The following MYO3B variants were observed in gnomAD, a reference collection of about 807,000 sequenced individuals.
The protein encoded by MYO3B is myosin IIIB.
In MYO3B, 156 loss-of-function variants were observed where a neutral mutation model predicts 174.6. The ratio of observed to expected loss-of-function variants is 0.89; its 90% confidence interval spans 0.78 to 1.02. The LOEUF is 1.02. MYO3B is among the 50% of genes least tolerant of loss of function. The probability of loss-of-function intolerance (pLI) is 0.00; values close to 1 mark genes in which losing one functional copy is unlikely to be tolerated. For missense variants in MYO3B, 1,632 were observed against 1,639.4 expected (o/e 1.00, Z 0.08); for synonymous variants, 563 against 569.1 (o/e 0.99, Z 0.15).
intron 3 of MYO3B, among the ~76,000 whole-genome samples, chr2:170,214,010 A>G (rs2092801399): frequency 6.6e-6 from 1 of 152,250 alleles, no homozygotes; most frequent in Non-Finnish European, 1.5e-5. Flanking sequence ...ATATTCATAT[A>G]AAGTGAAAAA....
At chr2:170,315,204 G>A (rs180687796) in intron 7 of MYO3B, among the ~76,000 whole-genome samples, 23 of 152,310 alleles carry the variant, frequency 1.5e-4, no homozygotes, top group African/African-American at 5.1e-4. Context: ...ATTCCTGAGA[G>A]TCTGCATTAT....
At chr2:170,595,149 T>C (rs1694065160) in intron 32 of MYO3B, among the ~76,000 whole-genome samples, 1 of 152,108 alleles carries the variant, frequency 6.6e-6, no homozygotes, top group Non-Finnish European at 1.5e-5. Context: ...TTCTGTAAAA[T>C]AGGAACGGTA....
intron 3 of MYO3B, among the ~76,000 whole-genome samples, chr2:170,202,341 T>C (rs749929826): frequency 2.0e-5 from 3 of 152,190 alleles, no homozygotes; most frequent in African/African-American, 4.8e-5. Context: ...AGATACTGGG[T>C]GTCCTCAGTC....
intron 32 of MYO3B, among the ~76,000 whole-genome samples, chr2:170,626,519 T>C (rs923436129): frequency 1.3e-5 from 2 of 152,242 alleles, no homozygotes; most frequent in African/African-American, 4.8e-5. Flanking sequence ...TGCCAGTCTG[T>C]GTCAATTGGA....
chr2:170,447,426 A>T (rs1313555614), intron 23 of MYO3B, among the ~76,000 whole-genome samples: 1 of 152,200 alleles, frequency 6.6e-6, no homozygotes, highest in Non-Finnish European at 1.5e-5. Context: ...CTGAGGCTTC[A>T]GCATGCAAAT....
intron 30 of MYO3B, among the ~76,000 whole-genome samples, chr2:170,527,322 T>A (rs180838406): frequency 6.6e-6 from 1 of 152,210 alleles, no homozygotes; most frequent in Non-Finnish European, 1.5e-5. Context: ...ACAAAATGTT[T>A]TGTTGTTCTA....
intron 25 of MYO3B, among the ~76,000 whole-genome samples, chr2:170,471,947 C>T (rs552049511): frequency 5.3e-5 from 8 of 150,904 alleles, no homozygotes; most frequent in East Asian, 3.9e-4. Context: ...GCCGAGATCG[C>T]GCCATTGCAC....
rs559768433 is a variant in MYO3B at position 170,454,064 on chromosome 2, G to A, written c.2731-9304G>A. The stretch of plus-strand genomic sequence containing the variant: ...CAGTTTCTTCAGAGATCCATTCCAC[G>A]CATACAAACACACACACAACAAAGA... On this transcript the variant is annotated intron_variant, in intron 23 of 34. Coordinates refer to ENST00000408978, the MANE Select transcript of MYO3B (RefSeq NM_138995.5). 2.0e-5 allele frequency among the ~76,000 whole-genome samples: 3 copies of A among 152,224 alleles called. No homozygotes were observed. In the East Asian group the frequency reaches 5.8e-4, roughly 29 times the overall value.
chr2:170,584,190 C>T (rs1382471190), intron 32 of MYO3B, among the ~76,000 whole-genome samples: 2 of 152,150 alleles, frequency 1.3e-5, no homozygotes, highest in Non-Finnish European at 2.9e-5. Flanking sequence ...GATTGTGGTC[C>T]CCCTATGGGG....
intron 32 of MYO3B, chr2:170,602,336 G>C: frequency 1.5e-6 from 1 of 660,768 alleles, no homozygotes; most frequent in South Asian, 1.8e-5. Context: ...GTGGCTGTGA[G>C]AGTGGGAGCC....
At chr2:170,198,818 AC>A (rs1337851512) in intron 1 of MYO3B, among the ~76,000 whole-genome samples, 1 of 147,762 alleles carries the variant, frequency 6.8e-6, no homozygotes, top group African/African-American at 2.5e-5. Context: ...GGTTACCATA[AC>A]CTAGGGACAA....
chr2:170,449,478 CA>C lies in MYO3B; in HGVS notation c.2730+5441del, dbSNP rs201733588. Among the ~76,000 whole-genome samples, 5 of 151,020 alleles carry C rather than the reference CA, an allele frequency of 3.3e-5. No homozygotes were observed. The South Asian group carries it at 6.3e-4, about 19-fold the overall frequency. ...CAATTGCTAAATGTTCTAAATAACTCAAAAAAAAAGTTTTCTTGGCTGAACA... is the reference window on the plus strand; with the variant it reads ...CAATTGCTAAATGTTCTAAATAACTCAAAAAAAAGTTTTCTTGGCTGAACA... On this transcript the variant is annotated intron_variant, in intron 23 of 34. Transcript: ENST00000408978.
chr2:170,245,569 C>T (rs192906565), intron 7 of MYO3B, among the ~76,000 whole-genome samples: 10 of 152,322 alleles, frequency 6.6e-5, no homozygotes, highest in Non-Finnish European at 1.0e-4. Context: ...GCCTGGGTTC[C>T]GGTTCTGCTC....
At chr2:170,400,659 C>T (rs1406836290) in intron 17 of MYO3B, among the ~76,000 whole-genome samples, 5 of 123,898 alleles carry the variant, frequency 4.0e-5, no homozygotes, top group Non-Finnish European at 9.4e-5. Flanking sequence ...CCCCCCCCCT[C>T]GGCCTCCCAA....
Position 170,449,777 on chromosome 2 carries a change from C to CAAA in MYO3B, c.2730+5741_2730+5743dup, listed in dbSNP as rs201702095. Among the ~76,000 whole-genome samples, 3 of 131,586 alleles carry CAAA rather than the reference C, an allele frequency of 2.3e-5. No individual in the cohort carries two copies. In the South Asian group the frequency reaches 7.1e-4, roughly 31 times the overall value. The allele number at this position is 131,586 out of a possible 152,430, so 86.3% of individuals were successfully genotyped here. Reference sequence around the variant, plus strand: ...GGGTGACAAGAGCAGAACTCTGTCTCAAAAAAAAAAAAGAAAAGAAAAAGA... The same window carrying CAAA: ...GGGTGACAAGAGCAGAACTCTGTCTCAAAAAAAAAAAAAAAGAAAAGAAAAAGA... On this transcript the variant is annotated intron_variant, in intron 23 of 34. Transcript: ENST00000408978.
At chr2:170,259,526 C>T (rs1291025041) in intron 7 of MYO3B, among the ~76,000 whole-genome samples, 1 of 152,178 alleles carries the variant, frequency 6.6e-6, no homozygotes, top group African/African-American at 2.4e-5. Flanking sequence ...TGAAGCTAGA[C>T]TCCTACCTAT....
At chr2:170,365,295 G>T (rs917926477) in intron 8 of MYO3B, among the ~76,000 whole-genome samples, 2 of 152,138 alleles carry the variant, frequency 1.3e-5, no homozygotes, top group African/African-American at 4.8e-5. Flanking sequence ...AGTCCCTGTG[G>T]CTCTGAAACC....
chr2:170,633,766 A>C (rs971222878), intron 32 of MYO3B, among the ~76,000 whole-genome samples: 2 of 152,254 alleles, frequency 1.3e-5, no homozygotes, highest in Non-Finnish European at 2.9e-5. Context: ...ACTTCAGCAA[A>C]GTCTCAGGAT....
intron 6 of MYO3B, among the ~76,000 whole-genome samples, chr2:170,223,204 T>C (rs193177199): frequency 3.3e-5 from 5 of 152,296 alleles, no homozygotes; most frequent in African/African-American, 1.2e-4. Context: ...TTTACCTGAT[T>C]AAGCCTCTCT....
Sources: gnomAD v4.1 joint callset for allele counts (sites outside exome capture counted in the v4.1 genomes callset) on GRCh38, gnomAD v4.1.1 for gene constraint, MANE v1.5 for transcripts, NCBI Gene and HGNC (gene_info 2026-07-23, HGNC 2026-07-21) for gene names.